PDE1C: variants seen among roughly 807,000 people sequenced by gnomAD.
PDE1C encodes the protein dual specificity calcium/calmodulin-dependent 3',5'-cyclic nucleotide phosphodiesterase 1C.
A neutral mutation model predicts 93.1 loss-of-function variants in PDE1C; 62 were observed. The observed-to-expected ratio is 0.67, with a 90% CI of 0.54 to 0.82. PDE1C has a LOEUF of 0.82. Ranked by LOEUF, PDE1C falls within the 40% of genes least tolerant of loss-of-function variation. PDE1C has a pLI of 0.00. For missense variants in PDE1C, 742 were observed against 884.6 expected (o/e 0.84, Z 2.04); for synonymous variants, 325 against 310.1 (o/e 1.05, Z -0.50).
At chr7:31,943,969 A>C (rs1295546347) in intron 2 of PDE1C, among the ~76,000 whole-genome samples, 1 of 152,178 alleles carries the variant, frequency 6.6e-6, no homozygotes, top group Non-Finnish European at 1.5e-5. Context: ...TGACGCCCCT[A>C]GTCTTCACAA....
At chr7:32,392,716 A>G (rs955993871) in intron 1 of PDE1C, among the ~76,000 whole-genome samples, 1 of 152,196 alleles carries the variant, frequency 6.6e-6, no homozygotes, top group African/African-American at 2.4e-5. Flanking sequence ...TCAATGCAGA[A>G]AAAGCATTTG....
chr7:31,645,597 T>TCAC, the PDE1C span, among the ~76,000 whole-genome samples: 1 of 151,906 alleles, frequency 6.6e-6, no homozygotes, highest in Non-Finnish European at 1.5e-5. Context: ...ATAACCATCA[T>TCAC]CACCACCACC....
intron 2 of PDE1C, among the ~76,000 whole-genome samples, chr7:31,889,067 G>A (rs1230267167): frequency 1.3e-5 from 2 of 152,134 alleles, no homozygotes; most frequent in Non-Finnish European, 2.9e-5. Context: ...TCAACATTTA[G>A]AAATATGAAT....
chr7:31,937,412 G>T (rs569323293), intron 2 of PDE1C, among the ~76,000 whole-genome samples: 1 of 152,162 alleles, frequency 6.6e-6, no homozygotes, highest in South Asian at 2.1e-4. Flanking sequence ...AGTCTGTTTT[G>T]TCAGTCATAA....
intron 2 of PDE1C, among the ~76,000 whole-genome samples, chr7:32,189,716 AAAGT>A (rs1472353849): frequency 2.1e-4 from 32 of 152,354 alleles, no homozygotes; most frequent in Middle Eastern, 3.4e-3. Context: ...AAAGCGTTTG[AAAGT>A]AATTGAAGAT....
At chr7:31,739,409 T>G in the PDE1C span, among the ~76,000 whole-genome samples, 1 of 152,162 alleles carries the variant, frequency 6.6e-6, no homozygotes, top group Non-Finnish European at 1.5e-5. Context: ...ATGCCCTTGT[T>G]TTATAAAGGC....
At chr7:32,358,527 C>T (rs993679942) in intron 1 of PDE1C, among the ~76,000 whole-genome samples, 2 of 152,236 alleles carry the variant, frequency 1.3e-5, no homozygotes, top group Middle Eastern at 3.4e-3. Context: ...TGTAAAGAGA[C>T]TAGACAGCGG....
chr7:32,405,928 G>A (rs1237785665), intron 1 of PDE1C, among the ~76,000 whole-genome samples: 1 of 152,166 alleles, frequency 6.6e-6, no homozygotes, highest in Non-Finnish European at 1.5e-5. Flanking sequence ...TCCATTAGAT[G>A]AACACCCATC....
the PDE1C span, among the ~76,000 whole-genome samples, chr7:31,702,706 T>C: frequency 1.3e-5 from 2 of 152,244 alleles, no homozygotes; most frequent in Admixed American, 6.5e-5. Context: ...GATGAATTCA[T>C]GAGGACTGGC....
intron 2 of PDE1C, among the ~76,000 whole-genome samples, chr7:31,940,846 C>CCA (rs796145290): frequency 6.6e-6 from 1 of 152,078 alleles, no homozygotes; most frequent in African/African-American, 2.4e-5. Context: ...CCTCCTCCCT[C>CCA]CACACACACA....
At chr7:32,372,327 T>C (rs764649621) in intron 1 of PDE1C, among the ~76,000 whole-genome samples, 2 of 152,174 alleles carry the variant, frequency 1.3e-5, no homozygotes, top group Non-Finnish European at 1.5e-5. Context: ...GTGTTGGAAT[T>C]ACAGGCGTGA....
intron 2 of PDE1C, among the ~76,000 whole-genome samples, chr7:31,964,132 C>A (rs543304255): frequency 6.6e-6 from 1 of 152,180 alleles, no homozygotes; most frequent in Non-Finnish European, 1.5e-5. Context: ...TGCAGCGCAC[C>A]GTGCGTGAGC....
Position 31,938,578 on chromosome 7 carries a change from C to T in PDE1C, c.129-57718G>A, listed in dbSNP as rs182134280. Reference sequence around the variant, plus strand: ...ATAAGTATCTACCTCTATTCAAAAACGATAAAAACATTGATCAAAGTTTAC... The same window carrying T: ...ATAAGTATCTACCTCTATTCAAAAATGATAAAAACATTGATCAAAGTTTAC... On this transcript the variant is annotated intron_variant, in intron 2 of 17. Coordinates refer to ENST00000396191, the MANE Select transcript of PDE1C (RefSeq NM_001191057.4). Among the ~76,000 whole-genome samples, 464 of 152,136 alleles carry T rather than the reference C, an allele frequency of 3.0e-3. 1 individual carries two copies. Among genetic ancestry groups the T allele is most frequent in the Non-Finnish European group, 4.3e-3 (293 of 68,004 alleles).
At chr7:32,406,531 CAA>C (rs5883350) in intron 1 of PDE1C, among the ~76,000 whole-genome samples, 19,256 of 133,326 alleles carry the variant, frequency 0.14, 1,304 homozygotes, top group Non-Finnish European at 0.16. Context: ...CTCCATAATG[CAA>C]AAAAAAAAAA....
chr7:32,350,590 A>ATATTTTT (rs1783951157), intron 1 of PDE1C, among the ~76,000 whole-genome samples: 2 of 3,136 alleles, frequency 6.4e-4, no homozygotes, highest in African/African-American at 7.4e-4. Context: ...ATATATATAT[A>ATATTTTT]TTTTTTTTTT....
chr7:31,890,975 T>C (rs1203580606), intron 2 of PDE1C, among the ~76,000 whole-genome samples: 2 of 152,062 alleles, frequency 1.3e-5, no homozygotes, highest in Non-Finnish European at 2.9e-5. Flanking sequence ...TGTTGGAGTC[T>C]GCTATTGTTT....
At chr7:31,813,381 C>T (rs777694705) in intron 15 of PDE1C, among the ~76,000 whole-genome samples, 100 of 152,116 alleles carry the variant, frequency 6.6e-4, no homozygotes, top group Admixed American at 1.4e-3. Flanking sequence ...AAGTCCTGTG[C>T]CTGGCTATAC....
chr7:31,803,861 T>C (rs895839969), intron 16 of PDE1C, among the ~76,000 whole-genome samples: 1 of 152,030 alleles, frequency 6.6e-6, no homozygotes, highest in South Asian at 2.1e-4. Context: ...TAAACATTCG[T>C]GAGCGTGTGT....
At chr7:32,334,774 T>C (rs930284503) in intron 1 of PDE1C, among the ~76,000 whole-genome samples, 14 of 152,306 alleles carry the variant, frequency 9.2e-5, no homozygotes, top group African/African-American at 3.1e-4. Context: ...AGTTTATGCA[T>C]GTTTGCACAT....
Sources: gnomAD v4.1 joint callset for allele counts (sites outside exome capture counted in the v4.1 genomes callset) on GRCh38, gnomAD v4.1.1 for gene constraint, MANE v1.5 for transcripts, NCBI Gene and HGNC (gene_info 2026-07-23, HGNC 2026-07-21) for gene names.